The following KAZN variants were observed in gnomAD, a reference collection of about 807,000 sequenced individuals.
The protein encoded by KAZN is kazrin.
A neutral mutation model predicts 87.4 loss-of-function variants in KAZN; 40 were observed. The ratio of observed to expected loss-of-function variants is 0.46; its 90% CI spans 0.36 to 0.60. KAZN has a LOEUF of 0.60. KAZN is among the 20% of genes least tolerant of loss of function. The pLI is 0.00. For missense variants in KAZN, 898 were observed against 1,073.9 expected, an observed-to-expected ratio of 0.84 and a Z score of 2.29; for synonymous variants, 466 against 458.3, an observed-to-expected ratio of 1.02 and a Z score of -0.22.
chr1:14,234,211 A>G (rs1648153804), intron 2 of KAZN, among the ~76,000 whole-genome samples: 1 of 152,190 alleles, frequency 6.6e-6, no homozygotes, highest in African/African-American at 2.4e-5. Context: ...ATGGAATACT[A>G]TACTATGCAG....
At chr1:13,966,932 A>G (rs59499355) in intron 1 of KAZN, among the ~76,000 whole-genome samples, 8,558 of 152,180 alleles carry the variant, frequency 0.056, 474 homozygotes, top group East Asian at 0.29. Flanking sequence ...ATACAGTACT[A>G]TTGGACAGCA....
intron 1 of KAZN, among the ~76,000 whole-genome samples, chr1:14,875,456 C>T (rs1652658021): frequency 6.7e-6 from 1 of 150,092 alleles, no homozygotes; most frequent in South Asian, 2.1e-4. Context: ...TCTTGTCTTC[C>T]CTGCCTTGCA....
chr1:14,801,927 G>T (rs192251075), intron 1 of KAZN, among the ~76,000 whole-genome samples: 3 of 151,966 alleles, frequency 2.0e-5, no homozygotes, highest in South Asian at 2.1e-4. Context: ...CTCGTAATCC[G>T]CCCGCCTTGG....
At chr1:13,894,736 TTCCTGGGGTA>T (rs1638970052) in intron 1 of KAZN, among the ~76,000 whole-genome samples, 1 of 152,208 alleles carries the variant, frequency 6.6e-6, no homozygotes, top group Non-Finnish European at 1.5e-5. Flanking sequence ...TGCACCCCCC[TTCCTGGGGTA>T]TCCGTCCCCT....
In KAZN at chr1:14,714,838, A is replaced by G. The variant is rs543945189; in HGVS notation, c.226+115615A>G. Among the ~76,000 whole-genome samples, 87 of 126,272 alleles carry G rather than the reference A, an allele frequency of 6.9e-4. 1 individual carries two copies. Among genetic ancestry groups the G allele is most frequent in the African/African-American group, 2.7e-3 (85 of 31,816 alleles). The allele number at this position is 126,272 out of a possible 152,430, so 82.8% of individuals were successfully genotyped here. ...GAGACAGGTTCTTGCTCTGTCGTTC[A>G]GGCTGGAGTGCAGTGGCACAATCAC... On this transcript the variant is annotated intron_variant, in intron 1 of 14. Coordinates refer to ENST00000376030, the MANE Select transcript of KAZN (RefSeq NM_201628.3).
In KAZN at chr1:14,474,036, G is replaced by A. The variant is rs1668593371; in HGVS notation, c.250-124947G>A. On this transcript the variant is annotated intron_variant, in intron 2 of 16. Coordinates refer to the KAZN transcript ENST00000636203. ...TCTAAAATTATCCTAGTTCTATTGT[G>A]TGTGTCTCATTCTTCATTACAATGT... Among the ~76,000 whole-genome samples, 5 of 152,200 alleles carry A rather than the reference G, an allele frequency of 3.3e-5. No individual in the cohort carries two copies. In the South Asian group the frequency reaches 1.0e-3, roughly 32 times the overall value.
At chr1:13,977,831 T>C (rs1638438482) in intron 1 of KAZN, among the ~76,000 whole-genome samples, 1 of 152,118 alleles carries the variant, frequency 6.6e-6, no homozygotes, top group African/African-American at 2.4e-5. Flanking sequence ...CTTGATGCAA[T>C]TGTCGGATTC....
chr1:14,803,118 C>T (rs546769159), intron 1 of KAZN, among the ~76,000 whole-genome samples: 3 of 152,284 alleles, frequency 2.0e-5, no homozygotes, highest in Non-Finnish European at 2.9e-5. Context: ...TCATGGCTAC[C>T]GTTTACTGAG....
intron 1 of KAZN, among the ~76,000 whole-genome samples, chr1:14,060,724 G>A (rs1042103639): frequency 6.6e-6 from 1 of 152,178 alleles, no homozygotes; most frequent in African/African-American, 2.4e-5. Flanking sequence ...CATGTCCTAA[G>A]ACCATATAAA....
intron 1 of KAZN, among the ~76,000 whole-genome samples, chr1:14,839,573 C>G (rs533544314): frequency 6.6e-6 from 1 of 152,274 alleles, no homozygotes; most frequent in African/African-American, 2.4e-5. Flanking sequence ...ACCAAGATAT[C>G]CTTCCCTGTC....
At chr1:14,187,102 G>A (rs1646324622) in intron 2 of KAZN, among the ~76,000 whole-genome samples, 1 of 152,078 alleles carries the variant, frequency 6.6e-6, no homozygotes, top group Admixed American at 6.6e-5. Flanking sequence ...TTGAAAACTA[G>A]GTATTAAGCT....
At chr1:14,234,774 G>A (rs1191895179) in intron 2 of KAZN, among the ~76,000 whole-genome samples, 1 of 152,214 alleles carries the variant, frequency 6.6e-6, no homozygotes, top group African/African-American at 2.4e-5. Context: ...CTAAAGCAAA[G>A]GAGAGCTTTT....
intron 2 of KAZN, among the ~76,000 whole-genome samples, chr1:14,196,893 G>A (rs1379011472): frequency 6.6e-6 from 1 of 152,038 alleles, no homozygotes; most frequent in Non-Finnish European, 1.5e-5. Context: ...GAAAGTGAAG[G>A]AGGCTTCAAA....
chr1:14,088,713 T>C (rs551513832), intron 1 of KAZN, among the ~76,000 whole-genome samples: 1 of 152,128 alleles, frequency 6.6e-6, no homozygotes, highest in African/African-American at 2.4e-5. Flanking sequence ...CTTGTTTTTA[T>C]CAATTATTGA....
intron 1 of KAZN, among the ~76,000 whole-genome samples, chr1:14,874,108 G>A (rs572526447): frequency 6.6e-6 from 1 of 152,274 alleles, no homozygotes; most frequent in South Asian, 2.1e-4. Flanking sequence ...CAAGGGAGAG[G>A]ACAGGGCTGG....
intron 1 of KAZN, among the ~76,000 whole-genome samples, chr1:14,017,924 G>C (rs1440100611): frequency 6.7e-6 from 1 of 149,634 alleles, no homozygotes; most frequent in Admixed American, 6.6e-5. Flanking sequence ...CTGGAGAGCA[G>C]CCAGGGTAAT....
chr1:14,326,562 A>G (rs1656437926), intron 2 of KAZN, among the ~76,000 whole-genome samples: 1 of 151,994 alleles, frequency 6.6e-6, no homozygotes, highest in Admixed American at 6.5e-5. Context: ...AAAGCCCTCC[A>G]ATGGTTCCCC....
intron 1 of KAZN, among the ~76,000 whole-genome samples, chr1:14,116,947 G>A (rs1177085759): frequency 6.6e-6 from 1 of 152,232 alleles, no homozygotes; most frequent in Admixed American, 6.5e-5. Flanking sequence ...CATGGAGCCT[G>A]TAGCCCCTTT....
chr1:14,309,725 C>G (rs1248761498), intron 2 of KAZN, among the ~76,000 whole-genome samples: 4 of 151,936 alleles, frequency 2.6e-5, no homozygotes, highest in African/African-American at 9.7e-5. Context: ...TAGGCTCATG[C>G]CCAGTTAACT....
Sources: gnomAD v4.1 joint callset for allele counts (sites outside exome capture counted in the v4.1 genomes callset) on GRCh38, gnomAD v4.1.1 for gene constraint, MANE v1.5 for transcripts, NCBI Gene and HGNC (gene_info 2026-07-23, HGNC 2026-07-21) for gene names.